The following AGBL2 variants were observed in gnomAD, a reference collection of about 807,000 sequenced individuals.
AGBL2 encodes the protein cytosolic carboxypeptidase 2.
A neutral mutation model predicts 103.0 loss-of-function variants in AGBL2; 87 were observed. That is an observed-to-expected ratio of 0.84 (90% CI 0.71 to 1.01). AGBL2 has a LOEUF of 1.01. Among genes scored for constraint, AGBL2 ranks in the 50% least tolerant of loss-of-function variants. AGBL2 has a pLI of 0.00. For missense variants in AGBL2, 904 were observed against 1,023.5 expected, an observed-to-expected ratio of 0.88 and a Z score of 1.59; for synonymous variants, 335 against 356.7, an observed-to-expected ratio of 0.94 and a Z score of 0.69.
chr11:47,660,041 G>T lies in AGBL2; in HGVS notation c.*132C>A. 2 of 894,462 alleles carry T rather than the reference G, an allele frequency of 2.2e-6. No individual in the cohort carries two copies. The highest frequency in any genetic ancestry group is 3.3e-6 in the Non-Finnish European group (2 of 613,262). The allele number at this position is 894,462 out of a possible 1,614,324, so 55.4% of individuals were successfully genotyped here. A position where few individuals can be genotyped will look rare whatever the true frequency, so the allele number is the denominator to read the frequency against. The stretch of plus-strand genomic sequence containing the variant: ...CCACAGTGTAAGTACAAAGTGTAAG[G>T]TCAGTGCATGAGTGCACAACACAGT... On this transcript the variant is annotated 3_prime_UTR_variant, in exon 19 of 19. Coordinates refer to ENST00000525123, the MANE Select transcript of AGBL2 (RefSeq NM_024783.4).
In AGBL2 at chr11:47,660,215, GGCAGCACA is replaced by G; in HGVS notation, c.2659_2666del (p.Cys887HisfsTer41). On this transcript the variant is annotated frameshift_variant, in exon 19 of 19. Coordinates refer to ENST00000525123, the MANE Select transcript of AGBL2 (RefSeq NM_024783.4). LOFTEE classifies it high-confidence loss of function. ...TGTGCAAGGATGGGTATGCCGCCAT[GGCAGCACA>G]GCCTCTCTTTGTGGCAGGATATCTG... 3 of 1,614,210 alleles carry G rather than the reference GGCAGCACA, an allele frequency of 1.9e-6. No individual in the cohort carries two copies. In the Middle Eastern group the frequency reaches 5.0e-4, roughly 267 times the overall value.
At chr11:47,706,161 C>A (rs901443664) in intron 4 of AGBL2, among the ~76,000 whole-genome samples, 1 of 152,234 alleles carries the variant, frequency 6.6e-6, no homozygotes, top group African/African-American at 2.4e-5. Context: ...GTAGCTCACA[C>A]ATGTAATCCT....
At position 47,692,132 on chromosome 11, in the gene AGBL2, C is replaced by G; in HGVS notation, c.819G>C (p.Glu273Asp). ...DNTLLFESRFESGNLQKAVRV... is the reference protein window; with the variant it reads ...DNTLLFESRFDSGNLQKAVRV... ...TGACAGCTTTTTGCAGATTCCCACT[C>G]TCAAACCTTGATTCAAACAGTAGAG... The change falls in exon 9 of 19, where the codon GAG (glutamate) becomes GAC (aspartate). Residue 273 changes from glutamate (E) to aspartate (D), a missense_variant. By Grantham distance (45) the Glu-to-Asp change is conservative. Coordinates refer to ENST00000525123, the MANE Select transcript of AGBL2 (RefSeq NM_024783.4). The G allele has an allele frequency of 1.9e-6, 3 of 1,612,864 alleles. No homozygotes were observed. Among genetic ancestry groups the G allele is most frequent in the Non-Finnish European group, 2.5e-6 (3 of 1,179,200 alleles).
At chr11:47,710,228 A>T in intron 4 of AGBL2, 149 bp downstream of exon 4, 1 of 912,384 alleles carries the variant, frequency 1.1e-6, no homozygotes, top group Non-Finnish European at 1.7e-6. Flanking sequence ...AATCCAAAGT[A>T]GATTTAGAGA....
chr11:47,714,008 T>G (rs1056849847), intron 3 of AGBL2: 5 of 395,246 alleles, frequency 1.3e-5, no homozygotes, highest in Non-Finnish European at 2.3e-5. Context: ...ATATAGTAAT[T>G]AAGAGACAGT....
intron 12 of AGBL2, among the ~76,000 whole-genome samples, chr11:47,681,296 C>T (rs957884756): frequency 6.6e-6 from 1 of 152,106 alleles, no homozygotes; most frequent in East Asian, 1.9e-4. Flanking sequence ...CATGCCACTA[C>T]ACTCTAGCCT....
At chr11:47,668,694 G>T in intron 15 of AGBL2, 147 bp downstream of exon 15, 1 of 575,746 alleles carries the variant, frequency 1.7e-6, no homozygotes. Flanking sequence ...GACAAAACAA[G>T]AGACTTTAGG....
At chr11:47,680,666 C>T (rs2097397673) in intron 12 of AGBL2, among the ~76,000 whole-genome samples, 1 of 152,022 alleles carries the variant, frequency 6.6e-6, no homozygotes, top group East Asian at 1.9e-4. Flanking sequence ...ATAGTCCCAG[C>T]TACTCAGGAG....
chr11:47,701,841 G>A (rs2097500278), intron 7 of AGBL2, among the ~76,000 whole-genome samples: 1 of 151,976 alleles, frequency 6.6e-6, no homozygotes, highest in South Asian at 2.1e-4. Context: ...GAGTGTGGTG[G>A]CACGTGCCTG....
At chr11:47,698,042 A>G (rs113029190) in intron 8 of AGBL2, among the ~76,000 whole-genome samples, 2,112 of 151,086 alleles carry the variant, frequency 0.014, 60 homozygotes, top group African/African-American at 0.049. Flanking sequence ...ACTGTGTTTT[A>G]GTAGAGACAG....
In AGBL2 at chr11:47,699,530, A is replaced by C; in HGVS notation, c.610T>G (p.Tyr204Asp). ...HIEWAPPQPE[Y>D]FYQPKGNEKV... ...TCATTTCCTTTAGGCTGATAGAAAT[A>C]TTCTGGTTGAGGTGGAGCCCACTCT... is the stretch of plus-strand genomic sequence containing the variant. Residue 204 changes from tyrosine (Y) to aspartate (D), a missense_variant, in exon 8 of 19, where the codon TAT becomes GAT. Transcript: ENST00000525123. 6.2e-7 allele frequency: 1 copy of C among 1,606,084 alleles called. No homozygotes were observed. Among genetic ancestry groups the C allele is most frequent in the Non-Finnish European group, 8.5e-7 (1 of 1,176,514 alleles).
chr11:47,714,841 C>A (rs1424893651), intron 1 of AGBL2, 91 bp from the exon 2 acceptor site: 5 of 611,182 alleles, frequency 8.2e-6, no homozygotes, highest in African/African-American at 7.4e-5. Flanking sequence ...ACCCTGCCAA[C>A]CCAGCTTCTC....
At position 47,667,621 on chromosome 11, in the gene AGBL2, A is replaced by G; in HGVS notation, c.2290T>C (p.Tyr764His). Reference protein sequence around the residue: ...LQTRKQRNEQYQKKNLMQKLK... With the variant: ...LQTRKQRNEQHQKKNLMQKLK... Reference sequence around the variant, plus strand: ...TTCTGCATCAAATTTTTTTTCTGATACTGCTCATTTCGCTGTTTCCTAGTC... The same window carrying G: ...TTCTGCATCAAATTTTTTTTCTGATGCTGCTCATTTCGCTGTTTCCTAGTC... Residue 764 changes from tyrosine (Y) to histidine (H), a missense_variant, in exon 16 of 19, where the codon TAT becomes CAT. Physicochemically the swap from Tyr to His is moderately conservative, Grantham distance 83. Transcript: ENST00000525123. The G allele has an allele frequency of 1.9e-6, 3 of 1,613,964 alleles. No homozygotes were observed. Among genetic ancestry groups the G allele is most frequent in the Non-Finnish European group, 2.5e-6 (3 of 1,179,930 alleles).
chr11:47,710,547 G>C, intron 3 of AGBL2, 36 bp from the exon 4 acceptor site: 1 of 1,611,312 alleles, frequency 6.2e-7, no homozygotes, highest in Non-Finnish European at 8.5e-7. Context: ...TTGCTGGAAG[G>C]CCGACTCATC....
chr11:47,699,104 T>A (rs1218211321), intron 8 of AGBL2, among the ~76,000 whole-genome samples: 1 of 152,016 alleles, frequency 6.6e-6, no homozygotes, highest in Non-Finnish European at 1.5e-5. Context: ...ATGACAGTCA[T>A]ATGCACATAG....
At chr11:47,705,073 G>T (rs1373040986) in intron 6 of AGBL2, 1 of 167,210 alleles carries the variant, frequency 6.0e-6, no homozygotes, top group Non-Finnish European at 1.3e-5. Flanking sequence ...TTAGCTAGTG[G>T]CAAGAGAGGA....
In AGBL2 at chr11:47,664,890, T is replaced by TTA. The variant is rs1554945010; in HGVS notation, c.2449-1779_2449-1778insTA. Among the ~76,000 whole-genome samples the TTA allele has an allele frequency of 3.0e-4, 43 of 144,700 alleles. 1 individual carries two copies. The highest frequency in any genetic ancestry group is 8.7e-4 in the African/African-American group (34 of 39,182). 94.9% of individuals were successfully genotyped at this position (144,700 alleles called of 152,430 possible). ...CCACCTCCCACCTTTTTTTTTTTTTTTTTTAATTTTTAGCAAGGTCTTGCT... is the reference window on the plus strand; with the variant it reads ...CCACCTCCCACCTTTTTTTTTTTTTTTATTTTAATTTTTAGCAAGGTCTTGCT... On this transcript the variant is annotated intron_variant, in intron 17 of 18. Transcript: ENST00000525123.
At chr11:47,678,936 G>A (rs1362363776) in intron 13 of AGBL2, among the ~76,000 whole-genome samples, 2 of 151,188 alleles carry the variant, frequency 1.3e-5, no homozygotes, top group African/African-American at 4.9e-5. Flanking sequence ...GTGCACGCCT[G>A]TAATCCCAGC....
chr11:47,699,602 G>T, intron 7 of AGBL2, 49 bp from the exon 8 acceptor site: 2 of 1,057,140 alleles, frequency 1.9e-6, no homozygotes, highest in Non-Finnish European at 2.8e-6. Context: ...AATGTAAACG[G>T]CACTATCAGA....
Sources: allele counts gnomAD v4.1 joint callset (sites outside exome capture counted in the v4.1 genomes callset), GRCh38; gene constraint gnomAD v4.1.1; transcripts MANE v1.5; gene names NCBI Gene and HGNC (gene_info 2026-07-23, HGNC 2026-07-21).